Variants in NR1I2 observed in about 807,000 individuals in gnomAD.
The protein encoded by NR1I2 is orphan nuclear receptor PAR1.
Under a neutral mutation model 43.3 loss-of-function variants are expected in NR1I2, and 42 were observed. The observed-to-expected ratio is 0.97, with a 90% CI of 0.76 to 1.26. The LOEUF (loss-of-function observed/expected upper bound fraction) is 1.26. NR1I2 is among the 50% of genes most tolerant of loss of function. The pLI, the probability that NR1I2 is intolerant of heterozygous loss-of-function variation, is 0.00. For missense variants in NR1I2, 559 were observed against 566.7 expected, an observed-to-expected ratio of 0.99 and a Z score of 0.14; for synonymous variants, 229 against 215.0, an observed-to-expected ratio of 1.06 and a Z score of -0.57.
At chr3:119,809,010 C>T (rs1485901755) in intron 2 of NR1I2, among the ~76,000 whole-genome samples, 2 of 152,154 alleles carry the variant, frequency 1.3e-5, no homozygotes, top group Admixed American at 6.5e-5. Flanking sequence ...GTCACTGGTC[C>T]GAGGCCCGAG....
At chr3:119,799,975 CAAACAA>C (rs1417719959) in intron 1 of NR1I2, among the ~76,000 whole-genome samples, 116 of 136,514 alleles carry the variant, frequency 8.5e-4, no homozygotes, top group African/African-American at 2.7e-3. Context: ...AACAAACAAA[CAAACAA>C]ACAAACACAC....
intron 1 of NR1I2, among the ~76,000 whole-genome samples, chr3:119,794,173 C>A (rs2054961562): frequency 6.6e-6 from 1 of 151,868 alleles, no homozygotes; most frequent in South Asian, 2.1e-4. Context: ...ACATGCCTGG[C>A]TGAGTTTTTT....
intron 1 of NR1I2, among the ~76,000 whole-genome samples, chr3:119,784,286 T>A (rs1191243058): frequency 2.0e-5 from 3 of 152,244 alleles, no homozygotes; most frequent in Non-Finnish European, 2.9e-5. Context: ...ATTATTTCAA[T>A]ATTTTAATTT....
chr3:119,797,891 T>C (rs2055022445), intron 1 of NR1I2, among the ~76,000 whole-genome samples: 1 of 152,226 alleles, frequency 6.6e-6, no homozygotes, highest in African/African-American at 2.4e-5. Flanking sequence ...AATTCTTGGA[T>C]AGCAATAAAG....
intron 2 of NR1I2, 33 bp downstream of exon 2, chr3:119,807,480 C>T (rs766777493): frequency 4.4e-6 from 7 of 1,575,372 alleles, no homozygotes; most frequent in South Asian, 4.4e-5. Context: ...ACCCACGTGC[C>T]ACCACTGACC....
chr3:119,793,905 T>C (rs559560412), intron 1 of NR1I2, among the ~76,000 whole-genome samples: 3 of 152,236 alleles, frequency 2.0e-5, no homozygotes, highest in African/African-American at 7.2e-5. Context: ...TTCTGTGATG[T>C]TGTTACTTGT....
At chr3:119,816,426 T>A (rs1328170652) in intron 8 of NR1I2, among the ~76,000 whole-genome samples, 4 of 152,084 alleles carry the variant, frequency 2.6e-5, no homozygotes, top group Admixed American at 2.6e-4. Context: ...CTCTGCTCAG[T>A]CCTGGCCCCT....
At chr3:119,792,209 G>C in intron 1 of NR1I2, 1 of 1,425,026 alleles carries the variant, frequency 7.0e-7, no homozygotes, top group Non-Finnish European at 9.8e-7. Flanking sequence ...TCAAGTCAGT[G>C]GTGGCTCGCT....
In NR1I2 at chr3:119,815,723, C is replaced by T; in HGVS notation, c.1055-3C>T. The T allele has an allele frequency of 6.2e-7, 1 of 1,611,584 alleles. No homozygotes were observed. The highest frequency in any genetic ancestry group is 1.1e-5 in the South Asian group (1 of 90,462). ...TCTTGCACCACACCTCCCTCCCCTC[C>T]AGACCGCCCAGGTGTGCTGCAGCAC... On this transcript the variant is annotated splice_polypyrimidine_tract_variant and splice_region_variant and intron_variant, in intron 7 of 8. Transcript: ENST00000393716.
Position 119,789,696 on chromosome 3 carries a change from T to TGTTTCC in NR1I2, c.-23+7397_-23+7402dup, listed in dbSNP as rs201157996. ...TGCTGCTTCTCCTCCTCACAACTTC[T>TGTTTCC]GTTTCCTCGGGGCCCTTCCTGCTTC... On this transcript the variant is annotated intron_variant, in intron 1 of 8. Coordinates refer to ENST00000393716, the MANE Select transcript of NR1I2 (RefSeq NM_003889.4). Among the ~76,000 whole-genome samples, 256 of 152,298 alleles carry TGTTTCC rather than the reference T, an allele frequency of 1.7e-3. 5 individuals are homozygous for TGTTTCC. In the East Asian group the frequency reaches 0.042, roughly 25 times the overall value.
At chr3:119,809,088 C>T (rs1311427352) in intron 2 of NR1I2, among the ~76,000 whole-genome samples, 1 of 152,206 alleles carries the variant, frequency 6.6e-6, no homozygotes, top group Non-Finnish European at 1.5e-5. Context: ...CCCTCGGGGA[C>T]CTCTGCAGCC....
chr3:119,798,917 T>A (rs2055039118), intron 1 of NR1I2, among the ~76,000 whole-genome samples: 1 of 152,222 alleles, frequency 6.6e-6, no homozygotes, highest in African/African-American at 2.4e-5. Context: ...GTATTCCAGG[T>A]GCATTCCACA....
At chr3:119,812,377 C>T (rs761650998) in intron 4 of NR1I2, among the ~76,000 whole-genome samples, 74 of 152,152 alleles carry the variant, frequency 4.9e-4, no homozygotes, top group Non-Finnish European at 9.0e-4. Flanking sequence ...ATCTGGAATG[C>T]TTGGGATGAC....
At chr3:119,782,901 C>T (rs116598923) in intron 1 of NR1I2, 22,388 of 1,446,764 alleles carry the variant, frequency 0.015, 334 homozygotes, top group Middle Eastern at 0.061. Flanking sequence ...CCCACAGAAC[C>T]GAGTCTTGCC....
intron 1 of NR1I2, among the ~76,000 whole-genome samples, chr3:119,797,205 T>TGTGTGC (rs2055013678): frequency 6.6e-6 from 1 of 151,760 alleles, no homozygotes; most frequent in African/African-American, 2.4e-5. Flanking sequence ...TGTGTGTGTG[T>TGTGTGC]GTGTGTGTGT....
chr3:119,818,183 G>T lies in NR1I2; in HGVS notation c.*971G>T, dbSNP rs551647176. On this transcript the variant is annotated 3_prime_UTR_variant, in exon 9 of 9. Transcript: ENST00000393716. ...TTGCCACTTGATGGGGCCTGGGTTT[G>T]TTCCTGGGGCTGGAATGCTGGGTAT... The T allele has an allele frequency of 3.0e-6, 3 of 985,730 alleles. No individual in the cohort carries two copies. Among genetic ancestry groups the T allele is most frequent in the Non-Finnish European group, 3.6e-6 (3 of 830,038 alleles). The allele number at this position is 985,730 out of a possible 1,614,324, so 61.1% of individuals were successfully genotyped here.
intron 1 of NR1I2, chr3:119,802,972 GGGGACTTT>G: frequency 2.2e-6 from 1 of 456,628 alleles, no homozygotes; most frequent in Non-Finnish European, 4.4e-6. Flanking sequence ...TTTAGAAGAT[GGGGACTTT>G]GGGGGGTGAT....
At chr3:119,809,742 G>C (rs879851344) in intron 2 of NR1I2, among the ~76,000 whole-genome samples, 5 of 152,224 alleles carry the variant, frequency 3.3e-5, no homozygotes, top group Non-Finnish European at 7.3e-5. Flanking sequence ...GGAAGGCGCT[G>C]AGGATGGGCC....
intron 2 of NR1I2, among the ~76,000 whole-genome samples, chr3:119,808,647 G>A (rs143003176): frequency 3.4e-4 from 52 of 152,350 alleles, no homozygotes; most frequent in African/African-American, 9.9e-4. Flanking sequence ...AAGGCAACAT[G>A]TTGTAGTGGG....
Sources: allele counts gnomAD v4.1 joint callset (sites outside exome capture counted in the v4.1 genomes callset), GRCh38; gene constraint gnomAD v4.1.1; transcripts MANE v1.5; gene names NCBI Gene and HGNC (gene_info 2026-07-23, HGNC 2026-07-21).